The following TDRD15 variants were observed in gnomAD, a reference collection of about 807,000 sequenced individuals.
TDRD15 encodes tudor domain containing 15, also known as tudor domain-containing protein 15.
For missense variants in TDRD15, 1,416 were observed against 904.7 expected (o/e 1.57, Z -7.25); for synonymous variants, 503 against 314.5 (o/e 1.60, Z -6.34).
At chr2:21,136,327 G>A (rs1368342759) in intron 3 of TDRD15, among the ~76,000 whole-genome samples, 1 of 151,894 alleles carries the variant, frequency 6.6e-6, no homozygotes, top group Non-Finnish European at 1.5e-5. Context: ...GGGGTATTTA[G>A]TCAAAATTTT....
chr2:21,135,699 AC>A (rs1665794678), intron 3 of TDRD15, among the ~76,000 whole-genome samples: 2 of 151,200 alleles, frequency 1.3e-5, no homozygotes, highest in South Asian at 4.2e-4. Flanking sequence ...CTGCCACCCT[AC>A]CCCCATTCCC....
Position 21,137,834 on chromosome 2 carries a change from T to G in TDRD15, c.367T>G (p.Phe123Val). 1 of 716,130 alleles carries G rather than the reference T, an allele frequency of 1.4e-6. No homozygotes were observed. The highest frequency in any genetic ancestry group is 2.6e-6 in the Non-Finnish European group (1 of 384,368). 44.4% of individuals were successfully genotyped at this position (716,130 alleles called of 1,614,324 possible). ...ATTTGAGCTACCGCCACGGGTAGTA[T>G]TTGGTATTTTTGCGAATATACTACC... ...NLFELPPRVV[F>V]GIFANILPVG... Residue 123 changes from phenylalanine (F) to valine (V), a missense_variant, in exon 4 of 4, where the codon TTT (phenylalanine) becomes GTT (valine). Transcript: ENST00000405799.
At chr2:21,129,239 T>A (rs952768551) in intron 2 of TDRD15, among the ~76,000 whole-genome samples, 7 of 152,258 alleles carry the variant, frequency 4.6e-5, no homozygotes, top group African/African-American at 1.7e-4. Flanking sequence ...TTCAGTTTTC[T>A]TTGGTCTATA....
chr2:21,125,492 C>CGT (rs142756145), intron 1 of TDRD15, among the ~76,000 whole-genome samples: 24 of 148,098 alleles, frequency 1.6e-4, no homozygotes, highest in African/African-American at 5.5e-4. Flanking sequence ...TGAGTTGTTG[C>CGT]GTGTGTGTGT....
downstream of TDRD15, among the ~76,000 whole-genome samples, chr2:21,146,509 C>T (rs1666031054): frequency 6.6e-6 from 1 of 151,912 alleles, no homozygotes; most frequent in South Asian, 2.1e-4. Flanking sequence ...TTTTTAAAAT[C>T]ATGTTTGCTT....
intron 1 of TDRD15, among the ~76,000 whole-genome samples, chr2:21,126,197 T>G (rs1036705713): frequency 6.6e-6 from 1 of 152,210 alleles, no homozygotes; most frequent in Non-Finnish European, 1.5e-5. Flanking sequence ...CACTCGAACC[T>G]GCGCTCCCCT....
intron 2 of TDRD15, among the ~76,000 whole-genome samples, chr2:21,134,187 A>G (rs1665767462): frequency 2.6e-5 from 4 of 152,040 alleles, no homozygotes; most frequent in Admixed American, 2.6e-4. Context: ...ATCAATTTTA[A>G]TAGTATTTGT....
intron 2 of TDRD15, among the ~76,000 whole-genome samples, chr2:21,133,415 G>A (rs766659545): frequency 6.6e-6 from 1 of 151,456 alleles, no homozygotes; most frequent in Non-Finnish European, 1.5e-5. Flanking sequence ...TTTTTATTTT[G>A]GCTCTTGTCC....
intron 3 of TDRD15, among the ~76,000 whole-genome samples, chr2:21,137,119 G>A (rs564934245): frequency 2.0e-5 from 3 of 151,948 alleles, no homozygotes; most frequent in African/African-American, 7.2e-5. Context: ...GGCTAATTTA[G>A]CTCCTTTCAT....
intron 1 of TDRD15, among the ~76,000 whole-genome samples, chr2:21,127,248 T>A (rs1665616055): frequency 6.6e-6 from 1 of 152,130 alleles, no homozygotes; most frequent in South Asian, 2.1e-4. Context: ...ATTTTCTCAC[T>A]CTCTCAGGCT....
intron 2 of TDRD15, among the ~76,000 whole-genome samples, chr2:21,131,026 C>G (rs2103437839): frequency 6.6e-6 from 1 of 152,266 alleles, no homozygotes; most frequent in South Asian, 2.1e-4. Flanking sequence ...GAGTTGCAAA[C>G]CAGTGTAGCA....
chr2:21,125,442 G>GTGTC (rs1196009275), intron 1 of TDRD15, among the ~76,000 whole-genome samples: 6 of 151,322 alleles, frequency 4.0e-5, no homozygotes, highest in African/African-American at 9.7e-5. Flanking sequence ...GTGTGTGTGT[G>GTGTC]TGTGTGTGAG....
chr2:21,139,712 G>T lies in TDRD15; in HGVS notation c.2245G>T (p.Glu749Ter). The T allele has an allele frequency of 1.4e-6, 1 of 715,086 alleles. No individual in the cohort carries two copies. Among genetic ancestry groups the T allele is most frequent in the Non-Finnish European group, 2.6e-6 (1 of 383,842 alleles). 44.3% of individuals were successfully genotyped at this position (715,086 alleles called of 1,614,324 possible). The change falls in exon 4 of 4, where the codon GAA becomes TAA. Residue 749 changes from glutamate to a stop codon, truncating the protein, a stop_gained. Coordinates refer to ENST00000405799, the MANE Select transcript of TDRD15 (RefSeq NM_001306137.2). LOFTEE classifies it low-confidence loss of function (END_TRUNC). ...ACCTGAGTCATCCTGGCCTTATAAA[G>T]AATATATTTTTAGACCAGGAACAGT... ...VGPESSWPYK[E>*]YIFRPGTVLE...
intron 2 of TDRD15, among the ~76,000 whole-genome samples, chr2:21,131,556 C>G (rs1378622892): frequency 6.6e-6 from 1 of 152,120 alleles, no homozygotes; most frequent in Non-Finnish European, 1.5e-5. Context: ...CTGTGTATAG[C>G]TAGCTTTTCT....
At position 21,143,419 on chromosome 2, in the gene TDRD15, A is replaced by G. The variant is rs1665977852; in HGVS notation, c.*147A>G. The G allele has an allele frequency of 1.1e-5, 5 of 454,314 alleles. No homozygotes were observed. The highest frequency in any genetic ancestry group is 2.0e-5 in the African/African-American group (1 of 48,882). 28.1% of individuals were successfully genotyped at this position (454,314 alleles called of 1,614,324 possible). On this transcript the variant is annotated 3_prime_UTR_variant, in exon 4 of 4. Transcript: ENST00000405799. Reference sequence around the variant, plus strand: ...TAAGAACCTCTTAAGGAAAATTCGTATTAGTAAAAGATCACATTCTAGAAA... The same window carrying G: ...TAAGAACCTCTTAAGGAAAATTCGTGTTAGTAAAAGATCACATTCTAGAAA...
chr2:21,131,969 G>A (rs1459405712), intron 2 of TDRD15, among the ~76,000 whole-genome samples: 1 of 152,014 alleles, frequency 6.6e-6, no homozygotes, highest in African/African-American at 2.4e-5. Flanking sequence ...GTAGGGAGGG[G>A]CTAGGGACTA....
In TDRD15 at chr2:21,140,794, G is replaced by A. The variant is rs769094948; in HGVS notation, c.3327G>A (p.Ala1109=). The part of the protein sequence containing the change: ...KDNFLGRSLK[A]IILSQESDGQ... Reference sequence around the variant, plus strand: ...ATTTCTTGGGAAGATCATTAAAGGCGATAATATTGTCCCAGGAGTCAGATG... The same window carrying A: ...ATTTCTTGGGAAGATCATTAAAGGCAATAATATTGTCCCAGGAGTCAGATG... The change falls in exon 4 of 4, where the codon GCG becomes GCA. Residue 1109 remains alanine (A), a synonymous_variant. Coordinates refer to ENST00000405799, the MANE Select transcript of TDRD15 (RefSeq NM_001306137.2). 9 of 715,376 alleles carry A rather than the reference G, an allele frequency of 1.3e-5. No homozygotes were observed. The highest frequency in any genetic ancestry group is 2.7e-5 in the East Asian group (1 of 37,228). The allele number at this position is 715,376 out of a possible 1,614,324, so 44.3% of individuals were successfully genotyped here.
chr2:21,142,113 A>C lies in TDRD15; in HGVS notation c.4646A>C (p.Asn1549Thr), dbSNP rs1665946936. 1.5e-6 allele frequency: 1 copy of C among 680,420 alleles called. No homozygotes were observed. The highest frequency in any genetic ancestry group is 1.8e-5 in the African/African-American group (1 of 54,700). 42.1% of individuals were successfully genotyped at this position (680,420 alleles called of 1,614,324 possible). Residue 1549 changes from asparagine (N) to threonine (T), a missense_variant, in exon 4 of 4, where the codon AAT becomes ACT. Coordinates refer to ENST00000405799, the MANE Select transcript of TDRD15 (RefSeq NM_001306137.2). ...SGRFYVKLSK[N>T]KKILSDLIVL... ...AGATTTTATGTGAAGTTATCCAAAA[A>C]TAAAAAAATTTTATCAGATTTAATA... is the stretch of plus-strand genomic sequence containing the variant.
chr2:21,132,495 C>G (rs781303440), intron 2 of TDRD15, among the ~76,000 whole-genome samples: 1 of 151,958 alleles, frequency 6.6e-6, no homozygotes, highest in Non-Finnish European at 1.5e-5. Flanking sequence ...AGCAGAATTG[C>G]AAGTGTCAGA....
Sources: allele counts gnomAD v4.1 joint callset (sites outside exome capture counted in the v4.1 genomes callset), GRCh38; gene constraint gnomAD v4.1.1; transcripts MANE v1.5; gene names NCBI Gene and HGNC (gene_info 2026-07-23, HGNC 2026-07-21).